Variants in SLC12A4 observed in about 807,000 individuals in gnomAD.
The protein encoded by SLC12A4 is solute carrier family 12 member 4.
Under a neutral mutation model 119.2 loss-of-function variants are expected in SLC12A4, and 84 were observed. The observed-to-expected ratio is 0.70, with a 90% CI of 0.59 to 0.85. The LOEUF (loss-of-function observed/expected upper bound fraction) is 0.85, where lower values mean the gene tolerates loss of function less well. Ranked by LOEUF, SLC12A4 falls within the 40% of genes least tolerant of loss-of-function variation. The pLI is 0.00. For missense variants in SLC12A4, 1,298 were observed against 1,476.3 expected (o/e 0.88, Z 1.98); for synonymous variants, 599 against 604.6 (o/e 0.99, Z 0.14).
chr16:67,965,883 A>C (rs2030845733), intron 1 of SLC12A4, among the ~76,000 whole-genome samples: 1 of 152,206 alleles, frequency 6.6e-6, no homozygotes, highest in Non-Finnish European at 1.5e-5. Flanking sequence ...AGGCAAGGTC[A>C]CCCAGGGAGA....
chr16:67,966,416 C>T (rs2030870735), intron 1 of SLC12A4, among the ~76,000 whole-genome samples: 1 of 152,272 alleles, frequency 6.6e-6, no homozygotes, highest in East Asian at 1.9e-4. Flanking sequence ...CACCTGAGAT[C>T]CCCAGTAAAT....
Position 67,944,699 on chromosome 16 carries a change from A to G in SLC12A4, c.*141T>C. 7.0e-7 allele frequency: 1 copy of G among 1,436,528 alleles called. No homozygotes were observed. The highest frequency in any genetic ancestry group is 2.5e-5 in the East Asian group (1 of 39,816). The allele number at this position is 1,436,528 out of a possible 1,614,324, so 89.0% of individuals were successfully genotyped here. On this transcript the variant is annotated 3_prime_UTR_variant, in exon 24 of 24. Transcript: ENST00000316341. The surrounding 1 kb of genome is among the most constrained non-coding windows in gnomAD (Gnocchi z 6.6). ...TGAGGCCCAGGCCTGGTTTCCAAGG[A>G]GACCTAGCAAAGCTGGGTCCAGGAC...
intron 1 of SLC12A4, among the ~76,000 whole-genome samples, chr16:67,965,390 T>A (rs2030820242): frequency 6.6e-6 from 1 of 152,222 alleles, no homozygotes; most frequent in Non-Finnish European, 1.5e-5. Flanking sequence ...GTCTTACTTC[T>A]CTTTCTGCTT....
chr16:67,956,926 C>G (rs1233166445), intron 5 of SLC12A4, among the ~76,000 whole-genome samples: 2 of 151,818 alleles, frequency 1.3e-5, no homozygotes, highest in African/African-American at 4.8e-5. Flanking sequence ...AAAAGGCGAA[C>G]AGTAGTGATT....
At chr16:67,964,183 C>A (rs1288012154) in intron 1 of SLC12A4, 9 of 1,275,780 alleles carry the variant, frequency 7.1e-6, no homozygotes, top group Non-Finnish European at 9.5e-6. Flanking sequence ...GAAAGTCGGA[C>A]GGGTGGGTGT....
chr16:67,951,353 G>A lies in SLC12A4; in HGVS notation c.1133-49C>T, dbSNP rs1458818000. On this transcript the variant is annotated intron_variant, in intron 8 of 23. Coordinates refer to ENST00000316341, the MANE Select transcript of SLC12A4 (RefSeq NM_005072.5). The surrounding 1 kb of genome is among the most constrained non-coding windows in gnomAD (Gnocchi z 5.2). ...CCACAGCTGCCCCCCACTACCCCAG[G>A]TAGTTTGGGGCAGCCTAGCCAGAGG... The A allele has an allele frequency of 1.3e-6, 2 of 1,579,710 alleles. No individual in the cohort carries two copies. The highest frequency in any genetic ancestry group is 1.7e-6 in the Non-Finnish European group (2 of 1,162,142).
At position 67,947,323 on chromosome 16, in the gene SLC12A4, G is replaced by A. The variant is rs528402521; in HGVS notation, c.2072+8C>T. 1 of 1,608,832 alleles carries A rather than the reference G, an allele frequency of 6.2e-7. No homozygotes were observed. The highest frequency in any genetic ancestry group is 1.7e-5 in the Admixed American group (1 of 59,876). On this transcript the variant is annotated splice_region_variant and intron_variant, in intron 16 of 23. Transcript: ENST00000316341. ...CTGCGCCCTGGCCAGGGTCTGGCGG[G>A]AACTCACCGCCAGTTCTTGGTGTGA... is the stretch of plus-strand genomic sequence containing the variant.
At chr16:67,961,834 C>A in intron 2 of SLC12A4, 128 bp from the exon 3 acceptor site, 3 of 1,252,748 alleles carry the variant, frequency 2.4e-6, no homozygotes, top group East Asian at 4.8e-5. Context: ...CAGTTCCTAC[C>A]TGGGGAAGTC....
Position 67,950,531 on chromosome 16 carries a change from G to A in SLC12A4, c.1455-38C>T, listed in dbSNP as rs538065543. The A allele has an allele frequency of 3.1e-5, 50 of 1,612,296 alleles. No homozygotes were observed. The East Asian group carries it at 5.6e-4, about 18-fold the overall frequency. On this transcript the variant is annotated intron_variant, in intron 11 of 23. Transcript: ENST00000316341. This position sits in a 1 kb window ranked among gnomAD's most constrained non-coding sequence, Gnocchi z 4.3. ...CCAGAGTGAGGGATGTCAGGGGTCC[G>A]GAAGGATGGCACAGACCACCAAAGG...
At chr16:67,958,862 G>A (rs2030415948) in intron 3 of SLC12A4, among the ~76,000 whole-genome samples, 1 of 152,100 alleles carries the variant, frequency 6.6e-6, no homozygotes. Context: ...ATGTCCGAAG[G>A]TTGCCTCAGG....
At position 67,946,604 on chromosome 16, in the gene SLC12A4, C is replaced by T. The variant is rs1202353741; in HGVS notation, c.2271G>A (p.Lys757=). The change falls in exon 18 of 24, where the codon AAG becomes AAA. Residue 757 remains lysine, a synonymous_variant. Transcript: ENST00000316341. ...CCACCACCTGGCAGAAGCCCTTCAC[C>T]TTCTCAATTTCCATCATGTTCTTGA... ...QTIKNMMEIE[K]VKGFCQVVVA... is the part of the protein sequence containing the mutation. 1 of 1,613,020 alleles carries T rather than the reference C, an allele frequency of 6.2e-7. No homozygotes were observed. Among genetic ancestry groups the T allele is most frequent in the Admixed American group, 1.7e-5 (1 of 60,024 alleles).
At position 67,945,823 on chromosome 16, in the gene SLC12A4, C is replaced by T. The variant is rs1191843877; in HGVS notation, c.2788G>A (p.Glu930Lys). ...TGCCGCAGCATCTGCGACCGCTGCT[C>T]CATCATCAGCGTCCGCTCGTAGGTG... ...AYTYERTLMM[E>K]QRSQMLRQMR... is the part of the protein sequence containing the mutation. Residue 930 changes from glutamate (E) to lysine (K), a missense_variant, in exon 21 of 24, where the codon GAG (glutamate) becomes AAG (lysine). Glu to Lys is a moderately conservative substitution (Grantham distance 56). Transcript: ENST00000316341. 1.9e-6 allele frequency: 3 copies of T among 1,613,986 alleles called. No individual in the cohort carries two copies. Among genetic ancestry groups the T allele is most frequent in the Non-Finnish European group, 2.5e-6 (3 of 1,180,046 alleles).
In SLC12A4 at chr16:67,949,471, A is replaced by G. The variant is rs7184875; in HGVS notation, c.1748+329T>C. 1 of 197,448 alleles carries G rather than the reference A, an allele frequency of 5.1e-6. No individual in the cohort carries two copies. Among genetic ancestry groups the G allele is most frequent in the Non-Finnish European group, 1.0e-5 (1 of 97,964 alleles). The allele number at this position is 197,448 out of a possible 1,614,324, so 12.2% of individuals were successfully genotyped here. ...GTCTCAAAAAAAAAAAACAAAAACCAAAAAACAAACTAACAGATGGAAGGG... is the reference window on the plus strand; with the variant it reads ...GTCTCAAAAAAAAAAAACAAAAACCGAAAAACAAACTAACAGATGGAAGGG... On this transcript the variant is annotated intron_variant, in intron 13 of 23. Transcript: ENST00000316341. This position sits in a 1 kb window ranked among gnomAD's most constrained non-coding sequence, Gnocchi z 4.6.
rs780385119 is a variant in SLC12A4 at position 67,943,729 on chromosome 16, C to T, written c.*1111G>A. On this transcript the variant is annotated 3_prime_UTR_variant, in exon 24 of 24. Transcript: ENST00000316341. This position sits in a 1 kb window ranked among gnomAD's most constrained non-coding sequence, Gnocchi z 4.6. ...CTCAGGCACACCCCGTCCCCCACTC[C>T]GCCCCCCCTGGGTTAGACAACTGAG... 8.7e-6 allele frequency: 5 copies of T among 575,568 alleles called. No homozygotes were observed. Among genetic ancestry groups the T allele is most frequent in the Non-Finnish European group, 1.2e-5 (4 of 328,468 alleles). The allele number at this position is 575,568 out of a possible 1,614,324, so 35.7% of individuals were successfully genotyped here. A position where few individuals can be genotyped will look rare whatever the true frequency, so the allele number is the denominator to read the frequency against.
At position 67,948,586 on chromosome 16, in the gene SLC12A4, G is replaced by C. The variant is rs73594600; in HGVS notation, c.1749-427C>G. Among the ~76,000 whole-genome samples, 731 of 152,350 alleles carry C rather than the reference G, an allele frequency of 4.8e-3. 6 individuals are homozygous for C. Among genetic ancestry groups the C allele is most frequent in the African/African-American group, 0.017 (691 of 41,586 alleles). On this transcript the variant is annotated intron_variant, in intron 13 of 23. Coordinates refer to ENST00000316341, the MANE Select transcript of SLC12A4 (RefSeq NM_005072.5). ...AATGCAACCAGTCAGAGATACTTAA[G>C]AGTCACTGCGGTGGGCGTGGGAGTC...
At chr16:67,968,412 C>A (rs751339745) in intron 1 of SLC12A4, 27 bp downstream of exon 1, 5 of 1,546,104 alleles carry the variant, frequency 3.2e-6, no homozygotes, top group Non-Finnish European at 4.3e-6. Context: ...CGCTGCCCCG[C>A]CACGGCCCCT....
Position 67,949,718 on chromosome 16 carries a change from C to T in SLC12A4, c.1748+82G>A. ...CTGCCACATCTCCCAGCTGGACCTC[C>T]AACACCAGACGCAGCCACGGGGAGG... On this transcript the variant is annotated intron_variant, in intron 13 of 23. Transcript: ENST00000316341. The surrounding 1 kb of genome is among the most constrained non-coding windows in gnomAD (Gnocchi z 4.6). 1.0e-6 allele frequency: 1 copy of T among 955,652 alleles called. No homozygotes were observed. 59.2% of individuals were successfully genotyped at this position (955,652 alleles called of 1,614,324 possible).
At position 67,951,142 on chromosome 16, in the gene SLC12A4, GT is replaced by G. The variant is rs2058410553; in HGVS notation, c.1294del (p.Thr432GlnfsTer119). The G allele has an allele frequency of 6.2e-6, 10 of 1,613,898 alleles. No individual in the cohort carries two copies. The highest frequency in any genetic ancestry group is 8.5e-6 in the Non-Finnish European group (10 of 1,179,846). On this transcript the variant is annotated frameshift_variant, in exon 9 of 24. Transcript: ENST00000316341. LOFTEE classifies it high-confidence loss of function. The surrounding 1 kb of genome is among the most constrained non-coding windows in gnomAD (Gnocchi z 5.2). ...GTGGGTAGGCAGGCAGGGCTCACCT[GT>G]TACAGAAGGGAAGAAGATGCCGACC... is the stretch of plus-strand genomic sequence containing the variant. ...VLVGIFFPSV[T>X]GIMAGSNRSG...
At chr16:67,967,885 C>A (rs2030931504) in intron 1 of SLC12A4, among the ~76,000 whole-genome samples, 1 of 132,936 alleles carries the variant, frequency 7.5e-6, no homozygotes, top group African/African-American at 2.8e-5. Flanking sequence ...TCACTGAGGC[C>A]CACTGTCCCT....
Sources: gnomAD v4.1 joint callset for allele counts (sites outside exome capture counted in the v4.1 genomes callset) on GRCh38, gnomAD v4.1.1 for gene constraint, Gnocchi (gnomAD v3.1) non-coding constraint, MANE v1.5 for transcripts, NCBI Gene and HGNC (gene_info 2026-07-23, HGNC 2026-07-21) for gene names.